Variants in CRB1 observed in about 807,000 individuals in gnomAD.
The protein encoded by CRB1 is crumbs cell polarity complex component 1, also known as protein crumbs homolog 1.
In CRB1, 83 loss-of-function variants were observed where a neutral mutation model predicts 120.0. That is an observed-to-expected ratio of 0.69 (90% CI 0.58 to 0.83). The LOEUF (loss-of-function observed/expected upper bound fraction) is 0.83. Ranked by LOEUF, CRB1 falls within the 40% of genes least tolerant of loss-of-function variation. The probability of loss-of-function intolerance (pLI) is 0.00; values close to 1 mark genes in which losing one functional copy is unlikely to be tolerated. For missense variants in CRB1, 1,699 were observed against 1,687.6 expected (o/e 1.01, Z -0.12); for synonymous variants, 625 against 612.5 (o/e 1.02, Z -0.30).
chr1:197,251,335 G>A, the CRB1 span, among the ~76,000 whole-genome samples: 5 of 151,996 alleles, frequency 3.3e-5, no homozygotes, highest in Admixed American at 6.6e-5. Context: ...TTGTTTTAAT[G>A]GTGGTAGTGG....
the CRB1 span, among the ~76,000 whole-genome samples, chr1:197,259,320 C>T: frequency 2.6e-5 from 4 of 152,202 alleles, no homozygotes; most frequent in African/African-American, 4.8e-5. Flanking sequence ...AAATGTGGCA[C>T]ATATACACCA....
intron 1 of CRB1, among the ~76,000 whole-genome samples, chr1:197,320,337 C>T (rs185143662): frequency 1.3e-5 from 2 of 152,172 alleles, no homozygotes; most frequent in African/African-American, 4.8e-5. Flanking sequence ...AGTCTGAATA[C>T]TCATCCTTTA....
At chr1:197,210,555 C>T in the CRB1 span, among the ~76,000 whole-genome samples, 5 of 152,050 alleles carry the variant, frequency 3.3e-5, no homozygotes, top group African/African-American at 1.2e-4. Context: ...TGGCCAGCCC[C>T]CACAATCATG....
rs1252806209 is a variant in CRB1 at position 197,365,589 on chromosome 1, CCTT to C, written c.1171+8579_1171+8581del. 1.2e-3 allele frequency among the ~76,000 whole-genome samples: 176 copies of C among 148,522 alleles called. 1 individual carries two copies. The highest frequency in any genetic ancestry group is 4.2e-3 in the African/African-American group (168 of 39,608). On this transcript the variant is annotated intron_variant, in intron 5 of 11. Coordinates refer to ENST00000367400, the MANE Select transcript of CRB1 (RefSeq NM_201253.3). ...TTTTCTTTTCTTTTTTTCTCCTTCT[CCTT>C]CTCCTCCTTCTCCTTCTCCTTCTTC...
In CRB1 at chr1:197,344,305, A is replaced by C. The variant is rs779293247; in HGVS notation, c.677A>C (p.Asp226Ala). 6.2e-7 allele frequency: 1 copy of C among 1,614,158 alleles called. No homozygotes were observed. Among genetic ancestry groups the C allele is most frequent in the Non-Finnish European group, 8.5e-7 (1 of 1,180,024 alleles). Residue 226 changes from aspartate to alanine, a missense_variant, in exon 3 of 12, where the codon GAC becomes GCC. Physicochemically the swap from Asp to Ala is moderately radical, Grantham distance 126. Coordinates refer to ENST00000367400, the MANE Select transcript of CRB1 (RefSeq NM_201253.3). ...GGTGTAAACTGTGAATTGGAAATTGACGAATGTTGGTCCCAGCCTTGTTTA... is the reference window on the plus strand; with the variant it reads ...GGTGTAAACTGTGAATTGGAAATTGCCGAATGTTGGTCCCAGCCTTGTTTA... Reference protein sequence around the residue: ...YSGVNCELEIDECWSQPCLNG... With the variant: ...YSGVNCELEIAECWSQPCLNG...
At chr1:197,354,031 A>T (rs180862027) in intron 4 of CRB1, among the ~76,000 whole-genome samples, 1 of 150,958 alleles carries the variant, frequency 6.6e-6, no homozygotes, top group African/African-American at 2.4e-5. Context: ...AAAAAAAAAA[A>T]AAAACACCCC....
At chr1:197,444,760 T>C (rs1476602351) in intron 11 of CRB1, 1 of 152,236 alleles carries the variant, frequency 6.6e-6, no homozygotes, top group Non-Finnish European at 1.5e-5. Flanking sequence ...ATTTTCCAGC[T>C]GCATGTGTGT....
At chr1:197,292,195 A>G (rs1656226137) in intron 1 of CRB1, among the ~76,000 whole-genome samples, 2 of 152,134 alleles carry the variant, frequency 1.3e-5, no homozygotes, top group South Asian at 4.1e-4. Flanking sequence ...AAGAAAAGAG[A>G]GAAAAATCAA....
chr1:197,346,547 G>A (rs928319848), intron 3 of CRB1, among the ~76,000 whole-genome samples: 3 of 152,136 alleles, frequency 2.0e-5, no homozygotes, highest in Admixed American at 1.3e-4. Context: ...CAGCCATAGC[G>A]AAGAGGACTC....
chr1:197,264,302 A>C (rs181033903), upstream of CRB1, among the ~76,000 whole-genome samples: 3 of 152,272 alleles, frequency 2.0e-5, no homozygotes, highest in African/African-American at 7.2e-5. Context: ...TAAAGACATG[A>C]TTTCATTTTT....
chr1:197,285,113 A>C (rs894241413), intron 1 of CRB1, among the ~76,000 whole-genome samples: 2 of 151,924 alleles, frequency 1.3e-5, no homozygotes, highest in African/African-American at 2.4e-5. Flanking sequence ...AGGATCATTC[A>C]TGTCAACATG....
intron 7 of CRB1, chr1:197,429,244 T>A: frequency 7.2e-7 from 1 of 1,395,338 alleles, no homozygotes; most frequent in Non-Finnish European, 9.6e-7. Context: ...TCTCTCTCTC[T>A]GCCACCACTC....
chr1:197,413,000 C>T (rs1467831190), intron 5 of CRB1, among the ~76,000 whole-genome samples: 1 of 151,974 alleles, frequency 6.6e-6, no homozygotes, highest in African/African-American at 2.4e-5. Flanking sequence ...AGTTACTGCC[C>T]CTCTCAGGTA....
chr1:197,215,120 C>G, the CRB1 span, among the ~76,000 whole-genome samples: 1 of 152,098 alleles, frequency 6.6e-6, no homozygotes, highest in African/African-American at 2.4e-5. Context: ...ATTCAACATT[C>G]TTCAATGATA....
rs140648074 is a variant in CRB1, at chr1:197,429,518, C to T, written c.2746C>T (p.Leu916Phe). The change falls in exon 8 of 12, where the codon CTC (leucine) becomes TTC (phenylalanine). Residue 916 changes from leucine (L) to phenylalanine (F), a missense_variant. Physicochemically the swap from Leu to Phe is conservative, Grantham distance 22 (BLOSUM62 0). Coordinates refer to ENST00000367400, the MANE Select transcript of CRB1 (RefSeq NM_201253.3). ...TGACTTCTCCTGTTCCTGTCCTGCC[C>T]TCACAAGTGGGAAAGCCTGTGAGGA... ...WDDFSCSCPA[L>F]TSGKACEEVQ... The T allele has an allele frequency of 1.2e-4, 189 of 1,614,028 alleles. No individual in the cohort carries two copies. The African/African-American group carries it at 1.4e-3, about 12-fold the overall frequency.
chr1:197,239,988 T>G, the CRB1 span, among the ~76,000 whole-genome samples: 1 of 151,604 alleles, frequency 6.6e-6, no homozygotes, highest in Non-Finnish European at 1.5e-5. Flanking sequence ...CTTACCTTCC[T>G]TTATGCCCCC....
intron 4 of CRB1, among the ~76,000 whole-genome samples, chr1:197,355,064 C>CGA (rs1306891582): frequency 3.3e-5 from 5 of 151,616 alleles, no homozygotes. Flanking sequence ...TACAGAGTGC[C>CGA]TATTGTTGCA....
At chr1:197,243,851 T>C in the CRB1 span, among the ~76,000 whole-genome samples, 1 of 152,166 alleles carries the variant, frequency 6.6e-6, no homozygotes, top group East Asian at 1.9e-4. Context: ...ATGAATCTTG[T>C]TGCTCATGTA....
chr1:197,203,002 GGAGA>G, the CRB1 span, among the ~76,000 whole-genome samples: 15 of 147,490 alleles, frequency 1.0e-4, no homozygotes, highest in South Asian at 4.3e-4. Flanking sequence ...TGTGTGTGAC[GGAGA>G]GAGAGAGAGA....
Sources: allele counts gnomAD v4.1 joint callset (sites outside exome capture counted in the v4.1 genomes callset), GRCh38; gene constraint gnomAD v4.1.1; transcripts MANE v1.5; gene names NCBI Gene and HGNC (gene_info 2026-07-23, HGNC 2026-07-21).